The following APBB2 variants were observed in gnomAD, a reference collection of about 807,000 sequenced individuals.
The protein encoded by APBB2 is Fe65-like 1.
In APBB2, 38 loss-of-function variants were observed where a neutral mutation model predicts 82.5. The ratio of observed to expected loss-of-function variants is 0.46; its 90% confidence interval spans 0.36 to 0.60. The LOEUF is 0.60. Ranked by LOEUF, APBB2 falls within the 20% of genes least tolerant of loss-of-function variation. The pLI is 0.00. For missense variants in APBB2, 772 were observed against 972.3 expected (o/e 0.79, Z 2.74); for synonymous variants, 341 against 368.2 (o/e 0.93, Z 0.85).
chr4:41,000,391 C>T (rs1487043913), intron 6 of APBB2, among the ~76,000 whole-genome samples: 1 of 152,078 alleles, frequency 6.6e-6, no homozygotes. Flanking sequence ...TCAAAAAATG[C>T]TTTCTGTGGT....
intron 1 of APBB2, among the ~76,000 whole-genome samples, chr4:41,182,570 C>G (rs1317221887): frequency 1.3e-5 from 2 of 152,216 alleles, no homozygotes; most frequent in Non-Finnish European, 2.9e-5. Context: ...AATATCATCA[C>G]ATGAATAGCT....
At chr4:40,926,330 T>C (rs1322720464) in intron 10 of APBB2, among the ~76,000 whole-genome samples, 2 of 152,194 alleles carry the variant, frequency 1.3e-5, no homozygotes, top group Admixed American at 6.5e-5. Context: ...CCGCAAAGGA[T>C]TGGACCACAA....
At chr4:40,941,625 T>TTTTG (rs991784697) in intron 7 of APBB2, among the ~76,000 whole-genome samples, 10 of 152,236 alleles carry the variant, frequency 6.6e-5, no homozygotes, top group East Asian at 1.9e-4. Context: ...TTGGTGTGTT[T>TTTTG]TTTGTTTGTT....
intron 6 of APBB2, among the ~76,000 whole-genome samples, chr4:40,977,977 G>A (rs1797600325): frequency 6.6e-6 from 1 of 152,260 alleles, no homozygotes; most frequent in Non-Finnish European, 1.5e-5. Flanking sequence ...GGTAGAAGCA[G>A]TGGAAAAATG....
chr4:41,156,473 C>A (rs1031241649), intron 1 of APBB2, among the ~76,000 whole-genome samples: 2 of 152,204 alleles, frequency 1.3e-5, no homozygotes, highest in African/African-American at 4.8e-5. Context: ...GCTTCATTCA[C>A]TCATTCATTT....
In APBB2 at chr4:40,967,105, C is replaced by T. The variant is rs544883429; in HGVS notation, c.836-22032G>A. On this transcript the variant is annotated intron_variant, in intron 6 of 17. Coordinates refer to ENST00000508593, the MANE Select transcript of APBB2 (RefSeq NM_004307.2). Reference sequence around the variant, plus strand: ...ATGGGATCACCTGCCTGTGGAGAGGCGCTAACCCAGTGGGTTTCCTCTCTG... The same window carrying T: ...ATGGGATCACCTGCCTGTGGAGAGGTGCTAACCCAGTGGGTTTCCTCTCTG... 1.1e-4 allele frequency among the ~76,000 whole-genome samples: 17 copies of T among 152,246 alleles called. 1 individual carries two copies. The highest frequency in any genetic ancestry group is 1.7e-4 in the African/African-American group (7 of 41,546).
chr4:41,030,243 G>GA (rs1329958736), intron 5 of APBB2, among the ~76,000 whole-genome samples: 1 of 152,104 alleles, frequency 6.6e-6, no homozygotes, highest in African/African-American at 2.4e-5. Flanking sequence ...CCAGATGGGG[G>GA]AAAGCTTGCC....
intron 10 of APBB2, among the ~76,000 whole-genome samples, chr4:40,903,069 G>A (rs2154358060): frequency 6.6e-6 from 1 of 152,294 alleles, no homozygotes; most frequent in East Asian, 1.9e-4. Flanking sequence ...CTTGAGCTCA[G>A]GAGTTTGAGG....
intron 12 of APBB2, among the ~76,000 whole-genome samples, chr4:40,868,951 C>T (rs1029504482): frequency 6.6e-6 from 1 of 152,170 alleles, no homozygotes; most frequent in East Asian, 1.9e-4. Flanking sequence ...AATCACCATG[C>T]TTACGAACTA....
At chr4:41,132,499 A>G (rs1225904970) in intron 2 of APBB2, among the ~76,000 whole-genome samples, 1 of 152,232 alleles carries the variant, frequency 6.6e-6, no homozygotes, top group Admixed American at 6.5e-5. Flanking sequence ...CTGATTAGCA[A>G]TCAGATTCTG....
chr4:40,991,995 C>T (rs1444081556), intron 6 of APBB2, among the ~76,000 whole-genome samples: 2 of 152,098 alleles, frequency 1.3e-5, no homozygotes, highest in African/African-American at 4.8e-5. Flanking sequence ...CTCTCACACT[C>T]ACGCACAGAC....
At chr4:40,822,149 C>A (rs904606657) in intron 16 of APBB2, 99 bp from the exon 17 acceptor site, 6 of 1,409,138 alleles carry the variant, frequency 4.3e-6, no homozygotes, top group Non-Finnish European at 5.9e-6. Context: ...ATAGCCAGGC[C>A]GAATTCAGAA....
At chr4:41,122,945 C>T (rs1268769893) in intron 2 of APBB2, among the ~76,000 whole-genome samples, 1 of 152,178 alleles carries the variant, frequency 6.6e-6, no homozygotes, top group African/African-American at 2.4e-5. Context: ...TTCAAACACG[C>T]CGCACTGGCT....
intron 6 of APBB2, among the ~76,000 whole-genome samples, chr4:40,956,726 T>C (rs944450583): frequency 2.0e-5 from 3 of 152,166 alleles, no homozygotes; most frequent in East Asian, 1.9e-4. Flanking sequence ...ATCTTTGAAA[T>C]AGGAAGCTAT....
At chr4:40,928,618 G>C (rs1327894400) in intron 10 of APBB2, among the ~76,000 whole-genome samples, 2 of 150,698 alleles carry the variant, frequency 1.3e-5, no homozygotes, top group African/African-American at 4.9e-5. Flanking sequence ...AGGTGCAGTG[G>C]CTCATGCCTG....
chr4:40,887,523 T>C (rs1420957604), intron 12 of APBB2, among the ~76,000 whole-genome samples: 2 of 152,174 alleles, frequency 1.3e-5, no homozygotes, highest in Non-Finnish European at 2.9e-5. Context: ...AAATTGAATT[T>C]GCTCTTGTAA....
chr4:41,119,314 T>A (rs866939788), intron 2 of APBB2, among the ~76,000 whole-genome samples: 1 of 152,008 alleles, frequency 6.6e-6, no homozygotes, highest in South Asian at 2.1e-4. Flanking sequence ...TGAACTAGGA[T>A]CTCTAGCTAA....
At chr4:41,114,520 G>A (rs1750296040) in intron 2 of APBB2, among the ~76,000 whole-genome samples, 1 of 152,166 alleles carries the variant, frequency 6.6e-6, no homozygotes, top group African/African-American at 2.4e-5. Context: ...TAAAAAGAGA[G>A]GAAGTCAAAT....
intron 12 of APBB2, among the ~76,000 whole-genome samples, chr4:40,853,177 G>C (rs1760033515): frequency 3.9e-5 from 6 of 152,064 alleles, no homozygotes; most frequent in Non-Finnish European, 8.8e-5. Context: ...CATGCCCTCT[G>C]CCATGTCACT....
Sources: allele counts gnomAD v4.1 joint callset (sites outside exome capture counted in the v4.1 genomes callset), GRCh38; gene constraint gnomAD v4.1.1; transcripts MANE v1.5; gene names NCBI Gene and HGNC (gene_info 2026-07-23, HGNC 2026-07-21).